Variants in PATJ observed in about 807,000 individuals in gnomAD.
The protein encoded by PATJ is PATJ crumbs cell polarity complex component.
Under a neutral mutation model 224.9 loss-of-function variants are expected in PATJ, and 190 were observed. The observed-to-expected ratio is 0.84, with a 90% CI of 0.75 to 0.95. The LOEUF (loss-of-function observed/expected upper bound fraction) is 0.95, where lower values mean the gene tolerates loss of function less well. Ranked by LOEUF, PATJ falls within the 40% of genes least tolerant of loss-of-function variation. The pLI is 0.00. For synonymous variants in PATJ, 769 were observed against 820.3 expected (o/e 0.94, Z 1.07); for missense variants, 2,121 against 2,270.3 (o/e 0.93, Z 1.34).
intron 14 of PATJ, among the ~76,000 whole-genome samples, chr1:61,812,433 A>AGAGAGAGTGTGTGTGTGTGTGTGT (rs1397549346): frequency 1.1e-4 from 9 of 85,150 alleles, no homozygotes; most frequent in Admixed American, 2.4e-4. Flanking sequence ...AGAGAGAGAG[A>AGAGAGAGTGTGTGTGTGTGTGTGT]GTGTGTGTGT....
intron 41 of PATJ, among the ~76,000 whole-genome samples, chr1:62,138,673 C>A (rs1667193532): frequency 6.6e-6 from 1 of 152,136 alleles, no homozygotes. Flanking sequence ...TGTTGGAGGG[C>A]CGGGGCACCA....
intron 28 of PATJ, among the ~76,000 whole-genome samples, chr1:62,002,360 A>G (rs569811307): frequency 6.6e-6 from 1 of 152,328 alleles, no homozygotes; most frequent in South Asian, 2.1e-4. Flanking sequence ...ACTGTATATC[A>G]TGTAATCCTG....
At chr1:61,857,044 T>C (rs116213660) in intron 18 of PATJ, among the ~76,000 whole-genome samples, 1 of 152,336 alleles carries the variant, frequency 6.6e-6, no homozygotes, top group Non-Finnish European at 1.5e-5. Context: ...CAAAGCACCT[T>C]GTAACTCCTA....
chr1:62,105,425 A>T (rs567637432), intron 33 of PATJ, among the ~76,000 whole-genome samples: 1 of 152,308 alleles, frequency 6.6e-6, no homozygotes, highest in East Asian at 1.9e-4. Flanking sequence ...TTTGAAAACC[A>T]GTATCATTAC....
At chr1:62,003,733 G>T (rs1046589795) in intron 28 of PATJ, among the ~76,000 whole-genome samples, 2 of 152,240 alleles carry the variant, frequency 1.3e-5, no homozygotes, top group African/African-American at 4.8e-5. Context: ...TCAGGCATCT[G>T]CCCTGTCCCA....
intron 33 of PATJ, among the ~76,000 whole-genome samples, chr1:62,106,115 C>CACACACATACAT (rs140461579): frequency 1.3e-4 from 6 of 46,464 alleles, no homozygotes; most frequent in Non-Finnish European, 2.4e-4. Context: ...CACACACACA[C>CACACACATACAT]ACACAAACAC....
chr1:61,930,499 A>G lies in PATJ; in HGVS notation c.3670+2670A>G, dbSNP rs562996808. ...CCCAAGGACCATGATTCTGAAGCGG[A>G]TGGCTGCAGTGTAAGCCCTAGGCCT... On this transcript the variant is annotated intron_variant, in intron 27 of 43. Coordinates refer to ENST00000642238, the MANE Select transcript of PATJ (RefSeq NM_001350145.3). Among the ~76,000 whole-genome samples the G allele has an allele frequency of 1.2e-4, 18 of 152,306 alleles. No homozygotes were observed. In the East Asian group the frequency reaches 2.1e-3, roughly 18 times the overall value.
intron 43 of PATJ, among the ~76,000 whole-genome samples, chr1:62,156,913 C>CAA (rs202034453): frequency 0.012 from 1,154 of 99,216 alleles, 11 homozygotes; most frequent in African/African-American, 0.039. Context: ...AAGTCCCTGT[C>CAA]AAAAAAAAAA....
intron 1 of PATJ, among the ~76,000 whole-genome samples, chr1:61,756,563 CTTTTTTT>C (rs370667808): frequency 4.6e-5 from 3 of 65,618 alleles, no homozygotes; most frequent in East Asian, 4.7e-4. Flanking sequence ...AACCAGGACA[CTTTTTTT>C]TTTTTTTTTT....
rs1335848406 is a variant in PATJ at position 62,153,926 on chromosome 1, G to C, written c.5502+445G>C. On this transcript the variant is annotated intron_variant, in intron 43 of 43. Transcript: ENST00000642238. ...CATTCTTTATTTTATTTTTTGAGAG[G>C]GAGTTTCGCTCTTGTCGCCCAGGCT... Among the ~76,000 whole-genome samples, 18 of 152,258 alleles carry C rather than the reference G, an allele frequency of 1.2e-4. 1 individual carries two copies. The highest frequency in any genetic ancestry group is 3.4e-3 in the Middle Eastern group (1 of 294).
At chr1:61,810,709 AATAAAT>A (rs1654557341) in intron 14 of PATJ, among the ~76,000 whole-genome samples, 1 of 146,774 alleles carries the variant, frequency 6.8e-6, no homozygotes, top group Non-Finnish European at 1.5e-5. Context: ...AAAATAAATA[AATAAAT>A]AAATAAATAA....
intron 34 of PATJ, among the ~76,000 whole-genome samples, chr1:62,112,497 C>T (rs1663960960): frequency 6.6e-6 from 1 of 152,242 alleles, no homozygotes; most frequent in Non-Finnish European, 1.5e-5. Flanking sequence ...CAGAGTGACA[C>T]TCCATCTCAA....
At chr1:61,901,545 T>G in intron 24 of PATJ, 86 bp downstream of exon 24, 1 of 951,334 alleles carries the variant, frequency 1.1e-6, no homozygotes, top group African/African-American at 1.7e-5. Context: ...TTTCTTTATG[T>G]GTTGGGGACC....
At chr1:61,938,517 C>G (rs116056031) in intron 27 of PATJ, among the ~76,000 whole-genome samples, 1 of 151,906 alleles carries the variant, frequency 6.6e-6, no homozygotes, top group Non-Finnish European at 1.5e-5. Context: ...GCACATGTAC[C>G]CCCTGTATCT....
chr1:61,872,600 A>G (rs975177250), intron 20 of PATJ, among the ~76,000 whole-genome samples: 3 of 152,234 alleles, frequency 2.0e-5, no homozygotes, highest in Non-Finnish European at 4.4e-5. Flanking sequence ...ATGCATGCAT[A>G]TCGAAACTCA....
chr1:61,938,440 C>T (rs1043918584), intron 27 of PATJ, among the ~76,000 whole-genome samples: 1 of 152,098 alleles, frequency 6.6e-6, no homozygotes, highest in Non-Finnish European at 1.5e-5. Context: ...ATTATGCTTA[C>T]TACCTGGATG....
At chr1:62,036,171 G>A (rs148116665) in intron 29 of PATJ, among the ~76,000 whole-genome samples, 2,449 of 152,288 alleles carry the variant, frequency 0.016, 41 homozygotes, top group African/African-American at 0.038. Flanking sequence ...TCAGTTTTAT[G>A]TGTTAGAATC....
chr1:62,052,157 CT>C, intron 31 of PATJ, among the ~76,000 whole-genome samples: 1 of 152,288 alleles, frequency 6.6e-6, no homozygotes, highest in Admixed American at 6.5e-5. Context: ...GAATTAATCA[CT>C]TAGGAGTGTC....
intron 4 of PATJ, among the ~76,000 whole-genome samples, chr1:61,767,137 G>A (rs1646329046): frequency 6.6e-6 from 1 of 152,042 alleles, no homozygotes; most frequent in Non-Finnish European, 1.5e-5. Flanking sequence ...CATTTGGAAG[G>A]ATAATCTGGT....
Sources: allele counts gnomAD v4.1 joint callset (sites outside exome capture counted in the v4.1 genomes callset), GRCh38; gene constraint gnomAD v4.1.1; transcripts MANE v1.5; gene names NCBI Gene and HGNC (gene_info 2026-07-23, HGNC 2026-07-21).